The following COX16 variants were observed in gnomAD, a reference collection of about 807,000 sequenced individuals.
The protein encoded by COX16 is cytochrome c oxidase assembly factor COX16, also known as cytochrome c oxidase assembly protein COX16 homolog, mitochondrial.
In COX16, 12 loss-of-function variants were observed where a neutral mutation model predicts 15.4. The observed-to-expected ratio is 0.78, with a 90% CI of 0.50 to 1.26. COX16 has a LOEUF of 1.26. Ranked by LOEUF, COX16 falls within the 50% of genes most tolerant of loss-of-function variation. COX16 has a pLI of 0.00. For missense variants in COX16, 124 were observed against 127.6 expected (o/e 0.97, Z 0.14); for synonymous variants, 46 against 41.1 (o/e 1.12, Z -0.46).
At position 70,326,438 on chromosome 14, in the gene COX16, G is replaced by GTCTT. The variant is rs1886079018; in HGVS notation, c.212_215dup (p.Asp72GlufsTer6). On this transcript the variant is annotated frameshift_variant, in exon 4 of 4. Coordinates refer to ENST00000389912, the MANE Select transcript of COX16 (RefSeq NM_016468.7). LOFTEE classifies it high-confidence loss of function. ...TATTCTTCCAGTCATCAAACTTGGA[G>GTCTT]TCTTTGATTTTCTATAGAACCACAA... 6.3e-7 allele frequency: 1 copy of GTCTT among 1,584,226 alleles called. No homozygotes were observed. Among genetic ancestry groups the GTCTT allele is most frequent in the South Asian group, 1.2e-5 (1 of 84,876 alleles).
At chr14:70,353,606 C>G (rs1012769530) in intron 1 of COX16, among the ~76,000 whole-genome samples, 1 of 151,794 alleles carries the variant, frequency 6.6e-6, no homozygotes, top group Non-Finnish European at 1.5e-5. Context: ...CTCCACCTCC[C>G]AGGCTCAAGT....
chr14:70,359,133 G>T, intron 1 of COX16: 1 of 458,580 alleles, frequency 2.2e-6, no homozygotes, highest in Non-Finnish European at 4.4e-6. Context: ...TAGCTAAGTT[G>T]GGGGCGAGGA....
chr14:70,348,374 C>T (rs1364940255), intron 1 of COX16, among the ~76,000 whole-genome samples: 1 of 152,164 alleles, frequency 6.6e-6, no homozygotes, highest in Non-Finnish European at 1.5e-5. Context: ...TCATGTAAAC[C>T]CTGCCATGCT....
intron 1 of COX16, among the ~76,000 whole-genome samples, chr14:70,347,394 C>T (rs1410321484): frequency 2.6e-5 from 4 of 152,170 alleles, no homozygotes; most frequent in Non-Finnish European, 5.9e-5. Flanking sequence ...CTAAAGGATG[C>T]TTTTTTCCAC....
chr14:70,352,250 G>A (rs1310118984), intron 1 of COX16, among the ~76,000 whole-genome samples: 2 of 152,148 alleles, frequency 1.3e-5, no homozygotes, highest in South Asian at 2.1e-4. Flanking sequence ...GCAGAGGAGC[G>A]ATCTCGGCTC....
intron 2 of COX16, among the ~76,000 whole-genome samples, chr14:70,329,721 CAAAAAAA>C (rs199721497): frequency 8.5e-6 from 1 of 117,970 alleles, no homozygotes; most frequent in South Asian, 2.8e-4. Flanking sequence ...AGATATCTAC[CAAAAAAA>C]AAAAAAAAAA....
intron 2 of COX16, among the ~76,000 whole-genome samples, chr14:70,339,001 T>C (rs2140709657): frequency 6.6e-6 from 1 of 152,356 alleles, no homozygotes; most frequent in East Asian, 1.9e-4. Flanking sequence ...CAGTGATGTC[T>C]GAATCATACT....
intron 1 of COX16, among the ~76,000 whole-genome samples, chr14:70,345,390 C>A (rs1211750858): frequency 6.6e-6 from 1 of 152,154 alleles, no homozygotes; most frequent in African/African-American, 2.4e-5. Flanking sequence ...GACAGTTGCT[C>A]CTTTTATCAT....
intron 3 of COX16, among the ~76,000 whole-genome samples, chr14:70,327,106 C>CTTTTACATATCTGCTG (rs1886104908): frequency 6.6e-6 from 1 of 152,018 alleles, no homozygotes; most frequent in Non-Finnish European, 1.5e-5. Flanking sequence ...CTGACATTAA[C>CTTTTACATATCTGCTG]TTTTACATAT....
chr14:70,339,063 C>T (rs886916058), intron 2 of COX16, among the ~76,000 whole-genome samples: 3 of 152,152 alleles, frequency 2.0e-5, no homozygotes, highest in African/African-American at 7.2e-5. Context: ...TTAGAAAACA[C>T]GGTCACAATA....
intron 2 of COX16, among the ~76,000 whole-genome samples, chr14:70,340,537 T>A (rs892449937): frequency 6.6e-6 from 1 of 152,222 alleles, no homozygotes; most frequent in Non-Finnish European, 1.5e-5. Flanking sequence ...GCTGCTAAAA[T>A]TATTGCTGGA....
chr14:70,341,054 C>T lies in COX16; in HGVS notation c.141+1604G>A, dbSNP rs560847305. On this transcript the variant is annotated intron_variant, in intron 2 of 3. Coordinates refer to ENST00000389912, the MANE Select transcript of COX16 (RefSeq NM_016468.7). ...GCATCTAACAAGTATTAACACATGA[C>T]CACTATTCAATTATTTTTCAAATAT... Among the ~76,000 whole-genome samples the T allele has an allele frequency of 3.3e-5, 5 of 152,166 alleles. No individual in the cohort carries two copies. The South Asian group carries it at 1.0e-3, about 32-fold the overall frequency.
intron 2 of COX16, among the ~76,000 whole-genome samples, chr14:70,336,762 TA>T (rs1347229236): frequency 1.3e-5 from 2 of 152,332 alleles, no homozygotes; most frequent in East Asian, 3.9e-4. Flanking sequence ...CAGCATACAT[TA>T]AAATCAAACC....
chr14:70,342,772 GA>G, intron 1 of COX16, 43 bp from the exon 2 acceptor site: 1 of 1,596,708 alleles, frequency 6.3e-7, no homozygotes, highest in Non-Finnish European at 8.5e-7. Flanking sequence ...CAGAAGACCA[GA>G]ATTCAAATTC....
intron 2 of COX16, among the ~76,000 whole-genome samples, chr14:70,342,354 G>A (rs1347744713): frequency 1.3e-5 from 2 of 152,138 alleles, no homozygotes; most frequent in African/African-American, 2.4e-5. Flanking sequence ...GCTGAGACAA[G>A]AGAATTGCTT....
intron 2 of COX16, among the ~76,000 whole-genome samples, chr14:70,342,449 GAA>G (rs1555344890): frequency 6.6e-6 from 1 of 151,898 alleles, no homozygotes; most frequent in South Asian, 2.1e-4. Flanking sequence ...CGTGGCAAAA[GAA>G]AAAAAGAAAG....
rs918646880 is a variant in COX16 at position 70,325,863 on chromosome 14, G to A, written c.*470C>T. 1 of 152,298 alleles carries A rather than the reference G, an allele frequency of 6.6e-6. No individual in the cohort carries two copies. The highest frequency in any genetic ancestry group is 6.5e-5 in the Admixed American group (1 of 15,282). The allele number at this position is 152,298 out of a possible 1,614,324, so 9.4% of individuals were successfully genotyped here. ...ACAAAGAAAATCAAGACTCTTAGCA[G>A]ACTGTGATCATTTTTCTTTCCCTAA... On this transcript the variant is annotated 3_prime_UTR_variant, in exon 4 of 4. Coordinates refer to ENST00000389912, the MANE Select transcript of COX16 (RefSeq NM_016468.7).
intron 2 of COX16, among the ~76,000 whole-genome samples, chr14:70,330,333 T>C (rs1195503173): frequency 6.6e-6 from 1 of 152,156 alleles, no homozygotes; most frequent in Non-Finnish European, 1.5e-5. Flanking sequence ...AAAGGCACAA[T>C]AGACAACCTG....
chr14:70,328,831 G>C (rs573030820), intron 3 of COX16, among the ~76,000 whole-genome samples: 13 of 152,014 alleles, frequency 8.6e-5, no homozygotes, highest in Non-Finnish European at 1.9e-4. Context: ...TTTTGAATTT[G>C]TATGTATGAA....
Sources: gnomAD v4.1 joint callset for allele counts (sites outside exome capture counted in the v4.1 genomes callset) on GRCh38, gnomAD v4.1.1 for gene constraint, MANE v1.5 for transcripts, NCBI Gene and HGNC (gene_info 2026-07-23, HGNC 2026-07-21) for gene names.